MBNL2: variants seen among roughly 807,000 people sequenced by gnomAD.
The protein encoded by MBNL2 is muscleblind like splicing regulator 2.
Under a neutral mutation model 41.9 loss-of-function variants are expected in MBNL2, and 17 were observed. That is an observed-to-expected ratio of 0.41 (90% CI 0.28 to 0.61). MBNL2 has a LOEUF of 0.61. MBNL2 is among the 20% of genes least tolerant of loss of function. The pLI is 0.35. For missense variants in MBNL2, 336 were observed against 505.6 expected (o/e 0.66, Z 3.22); for synonymous variants, 195 against 182.9 (o/e 1.07, Z -0.53).
chr13:97,275,742 C>T lies in MBNL2; in HGVS notation c.-494C>T, dbSNP rs1298450360. Reference sequence around the variant, plus strand: ...TTCTGTCAAGTACACTTTACCCTGACCTTATGAGTGGATGAAGATACCTCA... The same window carrying T: ...TTCTGTCAAGTACACTTTACCCTGATCTTATGAGTGGATGAAGATACCTCA... On this transcript the variant is annotated 5_prime_UTR_variant, in exon 2 of 9. Transcript: ENST00000679496. 1 of 152,838 alleles carries T rather than the reference C, an allele frequency of 6.5e-6. No individual in the cohort carries two copies. Among genetic ancestry groups the T allele is most frequent in the Non-Finnish European group, 1.5e-5 (1 of 68,536 alleles). The allele number at this position is 152,838 out of a possible 1,614,324, so 9.5% of individuals were successfully genotyped here.
chr13:97,252,272 A>G (rs1304320997), intron 1 of MBNL2, among the ~76,000 whole-genome samples: 4 of 152,232 alleles, frequency 2.6e-5, no homozygotes, highest in Non-Finnish European at 5.9e-5. Flanking sequence ...TTAATAGTAC[A>G]TGTATCCAGA....
intron 1 of MBNL2, among the ~76,000 whole-genome samples, chr13:97,233,165 ATATATATAT>A (rs2042681235): frequency 9.9e-6 from 1 of 101,216 alleles, no homozygotes; most frequent in Non-Finnish European, 2.0e-5. Context: ...ATATATATAT[ATATATATAT>A]ATCTTTTTAT....
At chr13:97,264,814 C>T (rs552085628) in intron 1 of MBNL2, among the ~76,000 whole-genome samples, 1 of 152,152 alleles carries the variant, frequency 6.6e-6, no homozygotes, top group Non-Finnish European at 1.5e-5. Context: ...AGGCTATGGC[C>T]GGGGAAGGAA....
At chr13:97,239,437 T>C (rs572630430) in intron 1 of MBNL2, among the ~76,000 whole-genome samples, 1 of 152,350 alleles carries the variant, frequency 6.6e-6, no homozygotes, top group Admixed American at 6.5e-5. Flanking sequence ...GGCATTTCTC[T>C]AGATAATTAT....
chr13:97,374,562 T>G (rs1313764778), intron 8 of MBNL2, among the ~76,000 whole-genome samples: 1 of 151,772 alleles, frequency 6.6e-6, no homozygotes, highest in Non-Finnish European at 1.5e-5. Flanking sequence ...CTCAGCTCAT[T>G]TTTGTATTTT....
chr13:97,352,392 G>GT (rs2062581234), intron 5 of MBNL2, among the ~76,000 whole-genome samples: 1 of 152,156 alleles, frequency 6.6e-6, no homozygotes, highest in Admixed American at 6.5e-5. Context: ...GCCATTTAAA[G>GT]TTATTAATTG....
chr13:97,372,692 T>C (rs1345467711), intron 8 of MBNL2, among the ~76,000 whole-genome samples: 3 of 152,232 alleles, frequency 2.0e-5, no homozygotes, highest in Non-Finnish European at 4.4e-5. Flanking sequence ...ATGTTTTATC[T>C]GGCCAGCTAT....
rs761443292 is a variant in MBNL2, at chr13:97,366,484, C to T, written c.1048+1313C>T. 9.3e-6 allele frequency: 15 copies of T among 1,610,126 alleles called. No individual in the cohort carries two copies. Among genetic ancestry groups the T allele is most frequent in the Middle Eastern group, 1.6e-4 (1 of 6,074 alleles). On this transcript the variant is annotated intron_variant, in intron 8 of 8. Coordinates refer to ENST00000679496, the MANE Select transcript of MBNL2 (RefSeq NM_001382683.1). This position sits in a 1 kb window ranked among gnomAD's most constrained non-coding sequence, Gnocchi z 4.7. ...TACCCATGATGCACAGCGCTACGTC[C>T]GCCACTGTCTCTGCAGCAACAACTC...
intron 2 of MBNL2, among the ~76,000 whole-genome samples, chr13:97,333,906 G>T (rs1335323049): frequency 1.4e-5 from 2 of 144,916 alleles, no homozygotes; most frequent in African/African-American, 5.1e-5. Context: ...TTTTGTCAGG[G>T]TTTAGAATCT....
chr13:97,324,644 G>A (rs1486027210), intron 2 of MBNL2, among the ~76,000 whole-genome samples: 1 of 152,158 alleles, frequency 6.6e-6, no homozygotes, highest in Non-Finnish European at 1.5e-5. Flanking sequence ...ATCACAAGGT[G>A]AAGTCCTGCA....
At chr13:97,169,348 T>C in the MBNL2 span, among the ~76,000 whole-genome samples, 1 of 152,132 alleles carries the variant, frequency 6.6e-6, no homozygotes, top group Non-Finnish European at 1.5e-5. Flanking sequence ...AACCAAATAA[T>C]GCAATAGTGT....
intron 3 of MBNL2, among the ~76,000 whole-genome samples, chr13:97,335,677 A>C (rs887756745): frequency 6.6e-6 from 1 of 152,190 alleles, no homozygotes; most frequent in African/African-American, 2.4e-5. Flanking sequence ...AGTAAGATTC[A>C]AGCACAGGAA....
At chr13:97,217,084 AAT>A (rs1357503194), upstream of MBNL2, among the ~76,000 whole-genome samples, 3 of 148,104 alleles carry the variant, frequency 2.0e-5, no homozygotes, top group African/African-American at 5.0e-5. Context: ...TGTTGTATAT[AAT>A]ATATGATATA....
rs551065346 is a variant in MBNL2, at chr13:97,260,266, G to C, written c.-604-15366G>C. Among the ~76,000 whole-genome samples the C allele has an allele frequency of 1.5e-4, 23 of 152,330 alleles. No individual in the cohort carries two copies. The South Asian group carries it at 4.1e-3, about 27-fold the overall frequency. On this transcript the variant is annotated intron_variant, in intron 1 of 8. Transcript: ENST00000679496. ...GATGTCCCTGGCTACTGAAGGAGCA[G>C]TCAAAGGCCAGGATGGTTGGGGGGA...
At chr13:97,227,051 A>AC (rs201038250) in intron 1 of MBNL2, among the ~76,000 whole-genome samples, 1,101 of 105,164 alleles carry the variant, frequency 0.01, 13 homozygotes, top group African/African-American at 0.039. Flanking sequence ...AAAAAAAAAA[A>AC]ACAAAAAAAA....
Position 97,346,255 on chromosome 13 carries a change from GGA to G in MBNL2, c.541-548_541-547del, listed in dbSNP as rs2061843583. ...ATTAACAGATAATAGATGGATGGAT[GGA>G]TGGATGGATGGATGGATAGATGGAT... On this transcript the variant is annotated intron_variant, in intron 4 of 8. Transcript: ENST00000679496. The surrounding 1 kb of genome is among the most constrained non-coding windows in gnomAD (Gnocchi z 4.2). Among the ~76,000 whole-genome samples the G allele has an allele frequency of 6.6e-6, 1 of 151,724 alleles. No individual in the cohort carries two copies. Among genetic ancestry groups the G allele is most frequent in the African/African-American group, 2.4e-5 (1 of 41,290 alleles).
intron 1 of MBNL2, among the ~76,000 whole-genome samples, chr13:97,241,435 T>C (rs1157188095): frequency 2.0e-5 from 3 of 152,226 alleles, no homozygotes; most frequent in Non-Finnish European, 4.4e-5. Context: ...AAATGTATGC[T>C]ACTCTGAAAT....
chr13:97,279,116 T>G (rs914733278), intron 2 of MBNL2, among the ~76,000 whole-genome samples: 1 of 152,160 alleles, frequency 6.6e-6, no homozygotes, highest in African/African-American at 2.4e-5. Context: ...ATAATGACAA[T>G]GATAATTATG....
At chr13:97,351,370 A>C (rs1476907838) in intron 5 of MBNL2, among the ~76,000 whole-genome samples, 1 of 152,264 alleles carries the variant, frequency 6.6e-6, no homozygotes, top group Non-Finnish European at 1.5e-5. Context: ...GCTTCAATTT[A>C]AATTCACCAG....
Sources: allele counts gnomAD v4.1 joint callset (sites outside exome capture counted in the v4.1 genomes callset), GRCh38; gene constraint gnomAD v4.1.1; non-coding constraint Gnocchi (gnomAD v3.1); transcripts MANE v1.5; gene names NCBI Gene and HGNC (gene_info 2026-07-23, HGNC 2026-07-21).